The following DAPK1 variants were observed in gnomAD, a reference collection of about 807,000 sequenced individuals.
DAPK1 encodes death associated protein kinase 1.
A neutral mutation model predicts 144.9 loss-of-function variants in DAPK1; 56 were observed. The ratio of observed to expected loss-of-function variants is 0.39; its 90% confidence interval spans 0.31 to 0.48. The LOEUF is 0.48. Ranked by LOEUF, DAPK1 falls within the 20% of genes least tolerant of loss-of-function variation. The pLI is 0.95. For synonymous variants in DAPK1, 690 were observed against 749.0 expected, an observed-to-expected ratio of 0.92 and a Z score of 1.29; for missense variants, 1,454 against 1,875.4, an observed-to-expected ratio of 0.78 and a Z score of 4.15.
At chr9:87,633,816 T>C (rs532494717) in intron 3 of DAPK1, among the ~76,000 whole-genome samples, 74 of 152,314 alleles carry the variant, frequency 4.9e-4, no homozygotes, top group African/African-American at 1.7e-3. Context: ...TAAAAAACTA[T>C]CCCAGACCCA....
Position 87,639,459 on chromosome 9 carries a change from A to G in DAPK1, c.529A>G (p.Ile177Val). ...TGACTTTGGAAATGAATTTAAAAAC[A>G]TATTTGGGACTCCAGAGTTTGTCGG... ...KIDFGNEFKN[I>V]FGTPEFVAPE... Residue 177 changes from isoleucine to valine, a missense_variant, in exon 5 of 26, where the codon ATA (isoleucine) becomes GTA (valine). By Grantham distance (29) the Ile-to-Val change is conservative. Transcript: ENST00000408954. The G allele has an allele frequency of 1.9e-6, 3 of 1,613,208 alleles. No individual in the cohort carries two copies. The highest frequency in any genetic ancestry group is 2.5e-6 in the Non-Finnish European group (3 of 1,179,860).
At chr9:87,560,929 G>A (rs1458343383) in intron 2 of DAPK1, among the ~76,000 whole-genome samples, 1 of 152,062 alleles carries the variant, frequency 6.6e-6, no homozygotes, top group Non-Finnish European at 1.5e-5. Flanking sequence ...GCCTCACAAA[G>A]TGTTGGGATT....
At chr9:87,583,423 T>C (rs1827823611) in intron 2 of DAPK1, among the ~76,000 whole-genome samples, 1 of 152,180 alleles carries the variant, frequency 6.6e-6, no homozygotes, top group South Asian at 2.1e-4. Context: ...GTACAGCAAA[T>C]GTAACGAGCC....
intron 19 of DAPK1, among the ~76,000 whole-genome samples, chr9:87,671,914 A>G (rs551574105): frequency 3.3e-5 from 5 of 152,312 alleles, no homozygotes; most frequent in Admixed American, 3.3e-4. Context: ...AGCAAAGTAC[A>G]GAGTAGTGCC....
At chr9:87,694,581 A>G (rs1314611336) in intron 21 of DAPK1, among the ~76,000 whole-genome samples, 1 of 152,136 alleles carries the variant, frequency 6.6e-6, no homozygotes, top group Non-Finnish European at 1.5e-5. Context: ...TATGATTTGC[A>G]CATACTTTAG....
intron 2 of DAPK1, among the ~76,000 whole-genome samples, chr9:87,551,432 C>A (rs1273231967): frequency 6.6e-6 from 1 of 152,212 alleles, no homozygotes; most frequent in Non-Finnish European, 1.5e-5. Flanking sequence ...AGGCGTGAGT[C>A]ACCGTGCGCA....
At chr9:87,573,543 GAGA>G (rs951908644) in intron 2 of DAPK1, among the ~76,000 whole-genome samples, 4 of 152,232 alleles carry the variant, frequency 2.6e-5, no homozygotes, top group Admixed American at 2.6e-4. Context: ...TGTGTTTGCA[GAGA>G]AGGACAGCAC....
At chr9:87,554,747 A>G (rs540513960) in intron 2 of DAPK1, among the ~76,000 whole-genome samples, 1 of 152,194 alleles carries the variant, frequency 6.6e-6, no homozygotes, top group Non-Finnish European at 1.5e-5. Flanking sequence ...CCTCGGCCTG[A>G]CTGCTCTGGC....
intron 19 of DAPK1, 110 bp from the exon 20 acceptor site, chr9:87,681,294 A>G: frequency 2.9e-6 from 2 of 698,358 alleles, no homozygotes; most frequent in Non-Finnish European, 5.0e-6. Flanking sequence ...AGAAAAAAAG[A>G]AACATATCTT....
In DAPK1 at chr9:87,669,556, T is replaced by A. The variant is rs191635802; in HGVS notation, c.2001+882T>A. On this transcript the variant is annotated intron_variant, in intron 19 of 25. Transcript: ENST00000408954. ...GTTATAACAATGGTAATCATTTTTT[T>A]AAAAACCACAAACTATCTAGAAATA... Among the ~76,000 whole-genome samples, 592 of 152,300 alleles carry A rather than the reference T, an allele frequency of 3.9e-3. 2 individuals are homozygous for A. The highest frequency in any genetic ancestry group is 6.3e-3 in the Non-Finnish European group (428 of 68,030).
intron 2 of DAPK1, among the ~76,000 whole-genome samples, chr9:87,588,968 G>A (rs1316945891): frequency 1.3e-5 from 2 of 151,512 alleles, no homozygotes; most frequent in African/African-American, 4.9e-5. Flanking sequence ...AGCTCACTGC[G>A]ACCTCCACTT....
intron 2 of DAPK1, among the ~76,000 whole-genome samples, chr9:87,576,193 C>T (rs369846035): frequency 7.3e-4 from 111 of 152,306 alleles, no homozygotes; most frequent in Non-Finnish European, 1.1e-3. Flanking sequence ...CACATGCGTA[C>T]ACACGTACAC....
intron 2 of DAPK1, among the ~76,000 whole-genome samples, chr9:87,582,713 C>A (rs1325056661): frequency 6.6e-6 from 1 of 151,964 alleles, no homozygotes; most frequent in Non-Finnish European, 1.5e-5. Context: ...TGCCACCACT[C>A]CTGGTTGATT....
At chr9:87,692,800 T>C (rs569544227) in intron 21 of DAPK1, among the ~76,000 whole-genome samples, 61 of 152,252 alleles carry the variant, frequency 4.0e-4, no homozygotes, top group Non-Finnish European at 6.8e-4. Context: ...CCTTCACTTA[T>C]GAAGCATAAC....
intron 3 of DAPK1, among the ~76,000 whole-genome samples, chr9:87,605,587 AT>A (rs1828689183): frequency 6.8e-6 from 1 of 146,168 alleles, no homozygotes; most frequent in African/African-American, 2.6e-5. Flanking sequence ...CTCTTCCCCC[AT>A]CTCTTCCCCC....
rs746422468 is a variant in DAPK1, at chr9:87,707,141, C to G, written c.4070C>G (p.Pro1357Arg). 6.2e-7 allele frequency: 1 copy of G among 1,613,544 alleles called. No homozygotes were observed. Among genetic ancestry groups the G allele is most frequent in the African/African-American group, 1.3e-5 (1 of 74,918 alleles). The change falls in exon 26 of 26, where the codon CCC (proline) becomes CGC (arginine). Residue 1357 changes from proline to arginine, a missense_variant. Pro to Arg is a moderately radical substitution (Grantham distance 103). Around this residue, in one of 2 missense-constraint regions of DAPK1, gnomAD observed 1,025 missense variants for 1,237.9 expected, o/e 0.83. Coordinates refer to ENST00000408954, the MANE Select transcript of DAPK1 (RefSeq NM_004938.4). The surrounding 1 kb of genome is among the most constrained non-coding windows in gnomAD (Gnocchi z 4.0). ...NGAPKDFLPSPLHALLREWTT... is the reference protein window; with the variant it reads ...NGAPKDFLPSRLHALLREWTT... Reference sequence around the variant, plus strand: ...GCTCCCAAGGATTTCCTCCCCAGCCCCCTCCACGCCCTGCTGCGGGAATGG... The same window carrying G: ...GCTCCCAAGGATTTCCTCCCCAGCCGCCTCCACGCCCTGCTGCGGGAATGG...
At chr9:87,667,596 G>C (rs1224781906) in intron 18 of DAPK1, among the ~76,000 whole-genome samples, 2 of 152,154 alleles carry the variant, frequency 1.3e-5, no homozygotes, top group Admixed American at 1.3e-4. Flanking sequence ...AGTGACTTGG[G>C]TTGAGGAATT....
At chr9:87,699,836 G>A (rs932369690) in intron 23 of DAPK1, among the ~76,000 whole-genome samples, 11 of 152,176 alleles carry the variant, frequency 7.2e-5, no homozygotes, top group Admixed American at 4.6e-4. Flanking sequence ...TTCCTGCCTC[G>A]GGAGAAGCTG....
At chr9:87,539,738 G>A (rs1231026795) in intron 2 of DAPK1, among the ~76,000 whole-genome samples, 2 of 152,030 alleles carry the variant, frequency 1.3e-5, no homozygotes, top group Non-Finnish European at 2.9e-5. Context: ...CCTTTCTGAG[G>A]AGAGCAATGA....
Sources: allele counts gnomAD v4.1 joint callset (sites outside exome capture counted in the v4.1 genomes callset), GRCh38; gene constraint gnomAD v4.1.1; regional missense constraint gnomAD v4.1.1; non-coding constraint Gnocchi (gnomAD v3.1); transcripts MANE v1.5; gene names NCBI Gene and HGNC (gene_info 2026-07-23, HGNC 2026-07-21).